Variants in NAMPT observed in about 807,000 individuals in gnomAD.
NAMPT encodes the protein nicotinamide phosphoribosyltransferase.
A neutral mutation model predicts 58.7 loss-of-function variants in NAMPT; 7 were observed. The observed-to-expected ratio is 0.12, with a 90% CI of 0.07 to 0.22. The LOEUF is 0.22. Among genes scored for constraint, NAMPT ranks in the 10% least tolerant of loss-of-function variants. NAMPT has a pLI of 1.00. For missense variants in NAMPT, 271 were observed against 567.9 expected, an observed-to-expected ratio of 0.48 and a Z score of 5.31; for synonymous variants, 145 against 198.1, an observed-to-expected ratio of 0.73 and a Z score of 2.25.
In NAMPT at chr7:106,249,239, A is replaced by C. The variant is rs933161484; in HGVS notation, c.*1844T>G. Reference sequence around the variant, plus strand: ...ACAGAAGACTTACTAAAAGTGAATAATGCTTATTGTTCTCACTACATGTTT... The same window carrying C: ...ACAGAAGACTTACTAAAAGTGAATACTGCTTATTGTTCTCACTACATGTTT... On this transcript the variant is annotated 3_prime_UTR_variant, in exon 11 of 11. Transcript: ENST00000222553. The C allele has an allele frequency of 6.6e-6, 1 of 152,502 alleles. No individual in the cohort carries two copies. The highest frequency in any genetic ancestry group is 2.4e-5 in the African/African-American group (1 of 41,426). The allele number at this position is 152,502 out of a possible 1,614,324, so 9.4% of individuals were successfully genotyped here.
In NAMPT at chr7:106,261,684, C is replaced by T. The variant is rs1792305184; in HGVS notation, c.993G>A (p.Lys331=). The T allele has an allele frequency of 5.0e-6, 8 of 1,605,184 alleles. No homozygotes were observed. The South Asian group carries it at 6.6e-5, about 13-fold the overall frequency. Residue 331 remains lysine (K), a synonymous_variant, in exon 8 of 11, where the codon AAG becomes AAA. Transcript: ENST00000222553. Reference sequence around the variant, plus strand: ...CCTTTGAGTTCTCAGTAACAGGAAACTTCTTACCTAAAATCTCCAAAACCT... The same window carrying T: ...CCTTTGAGTTCTCAGTAACAGGAAATTTCTTACCTAAAATCTCCAAAACCT... ...VLKVLEILGK[K]FPVTENSKGY... is the part of the protein sequence containing the mutation.
intron 1 of NAMPT, among the ~76,000 whole-genome samples, 182 bp from the exon 2 acceptor site, chr7:106,277,361 ATC>A (rs1792667182): frequency 1.3e-5 from 2 of 152,230 alleles, no homozygotes; most frequent in African/African-American, 4.8e-5. Context: ...AGAGTTCAGT[ATC>A]TTAAAACCAC....
intron 4 of NAMPT, among the ~76,000 whole-genome samples, chr7:106,271,642 A>G (rs1336071195): frequency 6.6e-6 from 1 of 152,096 alleles, no homozygotes; most frequent in Non-Finnish European, 1.5e-5. Context: ...AAAGTCTATT[A>G]ATTTCCTGTC....
At chr7:106,284,690 T>G in intron 1 of NAMPT, 138 bp downstream of exon 1, 1 of 1,016,566 alleles carries the variant, frequency 9.8e-7, no homozygotes, top group Non-Finnish European at 1.2e-6. Flanking sequence ...CGCCCGCGCC[T>G]CCCCCGGGCC....
Position 106,268,512 on chromosome 7 carries a change from C to G in NAMPT, c.695G>C (p.Gly232Ala), listed in dbSNP as rs1229677527. Residue 232 changes from glycine to alanine, a missense_variant, in exon 6 of 11, where the codon GGA (glycine) becomes GCA (alanine). By Grantham distance (60) the Gly-to-Ala change is moderately conservative. Coordinates refer to ENST00000222553, the MANE Select transcript of NAMPT (RefSeq NM_005746.3). ...ATAGCCTGGAACAGGATCTTTCGTT[C>G]CATAATATTTTTTAATTAGAGCAAG... ...AGLALIKKYY[G>A]TKDPVPGYSV... 6.2e-7 allele frequency: 1 copy of G among 1,613,822 alleles called. No homozygotes were observed. Among genetic ancestry groups the G allele is most frequent in the Admixed American group, 1.7e-5 (1 of 60,016 alleles).
intron 6 of NAMPT, among the ~76,000 whole-genome samples, chr7:106,265,923 A>AAT (rs1792399950): frequency 6.6e-6 from 1 of 152,220 alleles, no homozygotes. Context: ...TACATACAAT[A>AAT]GTGGTAAACC....
rs1397086786 is a variant in NAMPT, at chr7:106,267,705, G to A, written c.743+759C>T. Among the ~76,000 whole-genome samples, 3 of 149,708 alleles carry A rather than the reference G, an allele frequency of 2.0e-5. No individual in the cohort carries two copies. In the East Asian group the frequency reaches 5.9e-4, roughly 29 times the overall value. On this transcript the variant is annotated intron_variant, in intron 6 of 10. Coordinates refer to ENST00000222553, the MANE Select transcript of NAMPT (RefSeq NM_005746.3). ...AAATACAAAAAATTAGCCGGGCGTA[G>A]TGGCGGGCGCCTGTAGTCCCAGCTA...
chr7:106,276,256 A>G (rs1338831614), intron 2 of NAMPT: 1 of 152,174 alleles, frequency 6.6e-6, no homozygotes, highest in African/African-American at 2.4e-5. Flanking sequence ...TCCAACATGT[A>G]TAATGTGTTT....
upstream of NAMPT, chr7:106,285,434 C>T: frequency 1.2e-5 from 8 of 660,260 alleles, no homozygotes; most frequent in Non-Finnish European, 1.5e-5. Context: ...TTCCGTCCTA[C>T]CCAGTCCTGG....
At chr7:106,262,665 C>G (rs1792327555) in intron 7 of NAMPT, among the ~76,000 whole-genome samples, 1 of 152,104 alleles carries the variant, frequency 6.6e-6, no homozygotes, top group East Asian at 1.9e-4. Flanking sequence ...GCCAAAAGAC[C>G]TACACTGGAT....
chr7:106,284,986 T>C, upstream of NAMPT: 2 of 1,474,572 alleles, frequency 1.4e-6, no homozygotes, highest in Non-Finnish European at 1.8e-6. Context: ...AAGTCACTGC[T>C]CGGTCGGCGG....
intron 4 of NAMPT, among the ~76,000 whole-genome samples, chr7:106,270,695 A>G (rs6948406): frequency 1 from 152,146 of 152,290 alleles, 76,001 homozygotes; most frequent in Middle Eastern, 1. Context: ...CTCTGAAGAA[A>G]CCTCTTCTGG....
chr7:106,277,686 C>T (rs188619638), intron 1 of NAMPT, among the ~76,000 whole-genome samples: 545 of 152,232 alleles, frequency 3.6e-3, no homozygotes, highest in African/African-American at 0.012. Context: ...ATGACAGCAA[C>T]GGCGGTGGCA....
chr7:106,251,816 G>C (rs1475554500), intron 10 of NAMPT, among the ~76,000 whole-genome samples: 1 of 152,088 alleles, frequency 6.6e-6, no homozygotes, highest in African/African-American at 2.4e-5. Flanking sequence ...CCATACAAGA[G>C]TAGCAAAGAC....
chr7:106,277,997 G>A (rs1562819167), intron 1 of NAMPT, among the ~76,000 whole-genome samples: 2 of 152,148 alleles, frequency 1.3e-5, no homozygotes, highest in African/African-American at 4.8e-5. Flanking sequence ...GAAGAATAAT[G>A]TGTATCTGCC....
chr7:106,283,833 G>A (rs1362725241), intron 1 of NAMPT, among the ~76,000 whole-genome samples: 2 of 151,964 alleles, frequency 1.3e-5, no homozygotes, highest in Non-Finnish European at 2.9e-5. Context: ...ATCGGAGGAG[G>A]GCTAAAAACA....
chr7:106,251,276 C>A, intron 10 of NAMPT, 83 bp from the exon 11 acceptor site: 1 of 863,230 alleles, frequency 1.2e-6, no homozygotes. Context: ...GACTAACCAA[C>A]CAGTCAAATA....
rs560239867 is a variant in NAMPT at position 106,277,812 on chromosome 7, C to T, written c.58-633G>A. 1.1e-3 allele frequency among the ~76,000 whole-genome samples: 174 copies of T among 152,242 alleles called. 1 individual carries two copies. Among genetic ancestry groups the T allele is most frequent in the Non-Finnish European group, 1.9e-3 (129 of 68,000 alleles). On this transcript the variant is annotated intron_variant, in intron 1 of 10. Transcript: ENST00000222553. ...ATCAAATCCTTATGAGTTTAAAATACGAAGAGGTCTTCCTTAGCACAAATT... is the reference window on the plus strand; with the variant it reads ...ATCAAATCCTTATGAGTTTAAAATATGAAGAGGTCTTCCTTAGCACAAATT...
chr7:106,284,731 A>ACC, intron 1 of NAMPT, 97 bp downstream of exon 1: 2 of 61,074 alleles, frequency 3.3e-5, no homozygotes, highest in Non-Finnish European at 5.5e-5. Context: ...CCCCAGCCCC[A>ACC]GCCCCAACCC....
Sources: gnomAD v4.1 joint callset for allele counts (sites outside exome capture counted in the v4.1 genomes callset) on GRCh38, gnomAD v4.1.1 for gene constraint, MANE v1.5 for transcripts, NCBI Gene and HGNC (gene_info 2026-07-23, HGNC 2026-07-21) for gene names.